NEO1: variants seen among roughly 807,000 people sequenced by gnomAD.
The protein encoded by NEO1 is neogenin.
In NEO1, 63 loss-of-function variants were observed where a neutral mutation model predicts 159.7. That is an observed-to-expected ratio of 0.39 (90% confidence interval 0.32 to 0.49). The LOEUF (loss-of-function observed/expected upper bound fraction) is 0.49, where lower values mean the gene tolerates loss of function less well. Ranked by LOEUF, NEO1 falls within the 20% of genes least tolerant of loss-of-function variation. The probability of loss-of-function intolerance (pLI) is 0.85; values close to 1 mark genes in which losing one functional copy is unlikely to be tolerated. For missense variants in NEO1, 1,615 were observed against 1,831.0 expected, an observed-to-expected ratio of 0.88 and a Z score of 2.15; for synonymous variants, 633 against 662.0, an observed-to-expected ratio of 0.96 and a Z score of 0.67.
chr15:73,170,188 C>CT (rs1169059479), intron 5 of NEO1, among the ~76,000 whole-genome samples: 1 of 152,066 alleles, frequency 6.6e-6, no homozygotes, highest in Non-Finnish European at 1.5e-5. Flanking sequence ...GGGATTTACT[C>CT]TAAGGACACA....
chr15:73,128,588 C>G (rs2030648311), intron 4 of NEO1, among the ~76,000 whole-genome samples: 1 of 152,082 alleles, frequency 6.6e-6, no homozygotes, highest in African/African-American at 2.4e-5. Context: ...CTTGATCTTA[C>G]AGAGCTCATA....
chr15:73,125,934 A>T (rs1466188595), intron 3 of NEO1, among the ~76,000 whole-genome samples: 3 of 152,220 alleles, frequency 2.0e-5, no homozygotes, highest in African/African-American at 4.8e-5. Flanking sequence ...GAGCTTGCTC[A>T]GTCTCCACTG....
intron 7 of NEO1, among the ~76,000 whole-genome samples, chr15:73,221,146 A>T (rs917193591): frequency 6.6e-6 from 1 of 152,226 alleles, no homozygotes; most frequent in African/African-American, 2.4e-5. Flanking sequence ...CTTCTAACAG[A>T]CAGGACCCTC....
chr15:73,164,404 A>G (rs1426963684), intron 5 of NEO1, among the ~76,000 whole-genome samples: 5 of 151,760 alleles, frequency 3.3e-5, no homozygotes, highest in African/African-American at 9.7e-5. Flanking sequence ...TGGTAGAGAC[A>G]GGGTTTCACC....
intron 1 of NEO1, among the ~76,000 whole-genome samples, chr15:73,111,896 A>C (rs965718081): frequency 6.6e-6 from 1 of 152,142 alleles, no homozygotes; most frequent in African/African-American, 2.4e-5. Flanking sequence ...TGGCTCCCCA[A>C]AGTGCTGGGA....
At chr15:73,254,617 A>C in intron 12 of NEO1, 65 bp from the exon 13 acceptor site, 2 of 1,454,056 alleles carry the variant, frequency 1.4e-6, no homozygotes. Flanking sequence ...CAGGATAAAA[A>C]TATTTAAAAC....
intron 5 of NEO1, among the ~76,000 whole-genome samples, chr15:73,150,578 G>A (rs1474431332): frequency 1.3e-5 from 2 of 152,034 alleles, no homozygotes; most frequent in Admixed American, 1.3e-4. Context: ...GACATACCCA[G>A]ATCCTTAAGC....
At chr15:73,236,301 A>G (rs1002819706) in intron 7 of NEO1, 46 bp from the exon 8 acceptor site, 2 of 1,613,956 alleles carry the variant, frequency 1.2e-6, no homozygotes, top group Non-Finnish European at 1.7e-6. Context: ...TGCCATCCCA[A>G]CATTACCTCC....
At chr15:73,234,803 GT>G (rs1225016085) in intron 7 of NEO1, among the ~76,000 whole-genome samples, 10 of 152,190 alleles carry the variant, frequency 6.6e-5, no homozygotes, top group Non-Finnish European at 1.5e-4. Context: ...TGGAAGTCAA[GT>G]TTTCAGACTC....
intron 7 of NEO1, among the ~76,000 whole-genome samples, chr15:73,183,531 G>A (rs1328896944): frequency 3.9e-5 from 6 of 152,152 alleles, no homozygotes; most frequent in Non-Finnish European, 5.9e-5. Flanking sequence ...ACTACTAGGG[G>A]AAGAGTAGGA....
chr15:73,253,078 T>C (rs939068669), intron 11 of NEO1, among the ~76,000 whole-genome samples: 7 of 152,230 alleles, frequency 4.6e-5, no homozygotes, highest in African/African-American at 1.7e-4. Context: ...ATATGGGGTC[T>C]AGAAAAGTTG....
chr15:73,240,310 AAATT>A (rs1357707905), intron 8 of NEO1, among the ~76,000 whole-genome samples: 2 of 152,158 alleles, frequency 1.3e-5, no homozygotes, highest in African/African-American at 4.8e-5. Context: ...AATGATTAGT[AAATT>A]AATTTGTAGT....
At chr15:73,236,865 G>T (rs1449542386) in intron 8 of NEO1, among the ~76,000 whole-genome samples, 1 of 152,204 alleles carries the variant, frequency 6.6e-6, no homozygotes, top group Admixed American at 6.5e-5. Flanking sequence ...CCCTTATGTG[G>T]TGTGGGCTGC....
intron 7 of NEO1, among the ~76,000 whole-genome samples, chr15:73,221,382 G>A (rs1026530754): frequency 2.0e-5 from 3 of 152,228 alleles, no homozygotes; most frequent in African/African-American, 7.2e-5. Flanking sequence ...CAGGGGTCAG[G>A]GACCCACTTG....
At chr15:73,296,196 C>T (rs990481354) in intron 26 of NEO1, among the ~76,000 whole-genome samples, 1 of 152,102 alleles carries the variant, frequency 6.6e-6, no homozygotes, top group Non-Finnish European at 1.5e-5. Context: ...CAGGAGAGGC[C>T]GGTTTGCCCA....
At chr15:73,157,629 C>T (rs2033877002) in intron 5 of NEO1, among the ~76,000 whole-genome samples, 1 of 152,214 alleles carries the variant, frequency 6.6e-6, no homozygotes. Context: ...TCCTTCTTCT[C>T]AGATGTTGAA....
intron 7 of NEO1, among the ~76,000 whole-genome samples, chr15:73,184,642 A>G (rs142377610): frequency 0.014 from 2,079 of 152,280 alleles, 20 homozygotes; most frequent in South Asian, 0.017. Flanking sequence ...GAAATGACCT[A>G]CCAGGCCAGG....
chr15:73,191,165 T>C (rs1050565067), intron 7 of NEO1, among the ~76,000 whole-genome samples: 3 of 152,118 alleles, frequency 2.0e-5, no homozygotes, highest in Non-Finnish European at 4.4e-5. Context: ...ACATATTGGA[T>C]TAATGTCCCA....
At chr15:73,234,994 A>G (rs142662484) in intron 7 of NEO1, among the ~76,000 whole-genome samples, 1 of 152,350 alleles carries the variant, frequency 6.6e-6, no homozygotes, top group East Asian at 1.9e-4. Context: ...TGAATGATCT[A>G]TATAGAGAGC....
Sources: allele counts gnomAD v4.1 joint callset (sites outside exome capture counted in the v4.1 genomes callset), GRCh38; gene constraint gnomAD v4.1.1; transcripts MANE v1.5; gene names NCBI Gene and HGNC (gene_info 2026-07-23, HGNC 2026-07-21).